Variants in FAM107A observed in about 807,000 individuals in gnomAD.
FAM107A encodes the protein family with sequence similarity 107 member A.
Under a neutral mutation model 13.7 loss-of-function variants are expected in FAM107A, and 19 were observed. The observed-to-expected ratio is 1.38, with a 90% confidence interval of 0.97 to 2.03. FAM107A has a LOEUF of 2.03. Ranked by LOEUF, FAM107A falls within the 30% of genes most tolerant of loss-of-function variation. FAM107A has a pLI of 0.00. For missense variants in FAM107A, 203 were observed against 184.4 expected, an observed-to-expected ratio of 1.10 and a Z score of -0.58; for synonymous variants, 82 against 74.5, an observed-to-expected ratio of 1.10 and a Z score of -0.52.
At chr3:58,577,696 T>G, upstream of FAM107A, 1 of 985,264 alleles carries the variant, frequency 1.0e-6, no homozygotes, top group Non-Finnish European at 1.2e-6. This position sits in a 1 kb window ranked among gnomAD's most constrained non-coding sequence, Gnocchi z 4.9. Context: ...TTGTTTCTTA[T>G]GGGAGGGTCA....
chr3:58,567,639 C>G (rs2063636280), intron 2 of FAM107A, among the ~76,000 whole-genome samples: 1 of 152,164 alleles, frequency 6.6e-6, no homozygotes. Context: ...TATGTTATTT[C>G]TGGTTATTTT....
chr3:58,589,443 G>C (rs2065637513), upstream of FAM107A, among the ~76,000 whole-genome samples: 1 of 152,130 alleles, frequency 6.6e-6, no homozygotes, highest in African/African-American at 2.4e-5. Flanking sequence ...GTGTGTGTGT[G>C]TGTGTATGTG....
intron 3 of FAM107A, 124 bp downstream of exon 3, chr3:58,567,084 A>G (rs904368564): frequency 8.2e-7 from 1 of 1,221,660 alleles, no homozygotes; most frequent in Non-Finnish European, 1.2e-6. Flanking sequence ...CCAGGAGTGG[A>G]CTCTTAGTCC....
upstream of FAM107A, chr3:58,577,800 G>A (rs1264948744): frequency 1.1e-6 from 1 of 891,206 alleles, no homozygotes; most frequent in Non-Finnish European, 1.3e-6. The surrounding 1 kb of genome is among the most constrained non-coding windows in gnomAD (Gnocchi z 4.9). Context: ...GGCTCTGGGG[G>A]GAAAAGGGTG....
At chr3:58,576,031 TAA>T (rs752269529) in intron 1 of FAM107A, among the ~76,000 whole-genome samples, 33 of 152,280 alleles carry the variant, frequency 2.2e-4, no homozygotes, top group Non-Finnish European at 3.7e-4. Context: ...AGGCATTCAG[TAA>T]AAGTGACAAG....
rs1036910418 is a variant in FAM107A, at chr3:58,617,982, C to T, written c.-70+9434G>A. Among the ~76,000 whole-genome samples, 5 of 152,172 alleles carry T rather than the reference C, an allele frequency of 3.3e-5. No individual in the cohort carries two copies. The highest frequency in any genetic ancestry group is 6.5e-5 in the Admixed American group (1 of 15,286). On this transcript the variant is annotated intron_variant, in intron 1 of 3. Transcript: ENST00000465970. This position sits in a 1 kb window ranked among gnomAD's most constrained non-coding sequence, Gnocchi z 4.5. ...ACTTGTTGGCTCTGTGATCTTGAGA[C>T]GTGAACTCAACCTCTTTGAGTCGAG... is the stretch of plus-strand genomic sequence containing the variant.
At chr3:58,608,203 A>G (rs1194408141) in intron 1 of FAM107A, among the ~76,000 whole-genome samples, 1 of 152,156 alleles carries the variant, frequency 6.6e-6, no homozygotes, top group African/African-American at 2.4e-5. Flanking sequence ...AATAGAAAGC[A>G]CCTAACATGG....
chr3:58,567,045 C>G, intron 3 of FAM107A, 163 bp downstream of exon 3: 1 of 857,438 alleles, frequency 1.2e-6, no homozygotes, highest in African/African-American at 1.7e-5. Context: ...AAGGACCTAG[C>G]AAAGTGAATG....
chr3:58,578,291 G>T (rs1180495567), upstream of FAM107A, among the ~76,000 whole-genome samples: 1 of 152,212 alleles, frequency 6.6e-6, no homozygotes, highest in Admixed American at 6.5e-5. Flanking sequence ...AAGTAGGCCA[G>T]GCATGGTAGC....
chr3:58,609,070 C>G (rs2065828066), intron 1 of FAM107A: 1 of 152,012 alleles, frequency 6.6e-6, no homozygotes, highest in Non-Finnish European at 1.5e-5. Flanking sequence ...TTTTCAGGGC[C>G]TGGTCATGGG....
rs190826782 is a variant in FAM107A, at chr3:58,604,947, T to C, written c.-69-15678A>G. ...TTTTTCTGATGAGTGTTAGGTTTTG[T>C]TTTAGCAGGCAGTACAATTATTAGG... On this transcript the variant is annotated intron_variant, in intron 1 of 3. Transcript: ENST00000465970. This position sits in a 1 kb window ranked among gnomAD's most constrained non-coding sequence, Gnocchi z 4.1. 6.6e-6 allele frequency among the ~76,000 whole-genome samples: 1 copy of C among 152,346 alleles called. No homozygotes were observed. The highest frequency in any genetic ancestry group is 1.9e-4 in the East Asian group (1 of 5,194).
At chr3:58,616,581 C>T (rs534840420) in intron 1 of FAM107A, among the ~76,000 whole-genome samples, 96 of 145,362 alleles carry the variant, frequency 6.6e-4, no homozygotes, top group Middle Eastern at 7.5e-3. Flanking sequence ...CCACTACCAC[C>T]ACCACCACCA....
rs1577016582 is a variant in FAM107A, at chr3:58,566,571, G to A, written c.*17C>T. 3.1e-6 allele frequency: 5 copies of A among 1,596,814 alleles called. No individual in the cohort carries two copies. The highest frequency in any genetic ancestry group is 4.3e-6 in the Non-Finnish European group (5 of 1,165,310). ...TCCAGGCCAGGGTGGGCAGTGGCCT[G>A]AGCCCGGCAGCTGGCCCTACAGCTC... On this transcript the variant is annotated 3_prime_UTR_variant, in exon 4 of 4. Coordinates refer to ENST00000360997, the MANE Select transcript of FAM107A (RefSeq NM_001076778.3).
rs922336223 is a variant in FAM107A at position 58,577,166 on chromosome 3, C to T, written c.-6+143G>A. ...CCGTATCATTTTATGGATGCTGGGA[C>T]ATAGCCCGGGTACCTAAACTCAAAG... On this transcript the variant is annotated intron_variant, in intron 1 of 3. Coordinates refer to ENST00000360997, the MANE Select transcript of FAM107A (RefSeq NM_001076778.3). This position sits in a 1 kb window ranked among gnomAD's most constrained non-coding sequence, Gnocchi z 4.9. 3.0e-5 allele frequency: 6 copies of T among 201,002 alleles called. No homozygotes were observed. Among genetic ancestry groups the T allele is most frequent in the Admixed American group, 6.5e-5 (1 of 15,370 alleles). 12.5% of individuals were successfully genotyped at this position (201,002 alleles called of 1,614,324 possible). A position where few individuals can be genotyped will look rare whatever the true frequency, so the allele number is the denominator to read the frequency against.
chr3:58,583,425 C>G (rs779837447), intron 1 of FAM107A, among the ~76,000 whole-genome samples: 4 of 152,090 alleles, frequency 2.6e-5, no homozygotes, highest in Non-Finnish European at 5.9e-5. Context: ...GAGTTCGAGA[C>G]CAGCCTGACC....
intron 1 of FAM107A, among the ~76,000 whole-genome samples, chr3:58,602,487 A>C (rs2065761183): frequency 6.6e-6 from 1 of 152,162 alleles, no homozygotes; most frequent in Non-Finnish European, 1.5e-5. Context: ...CATTTCACAA[A>C]GATATATGGT....
At chr3:58,599,696 ATTTTTTTTTTTT>A (rs57244654) in intron 1 of FAM107A, among the ~76,000 whole-genome samples, 51 of 78,562 alleles carry the variant, frequency 6.5e-4, no homozygotes, top group East Asian at 8.2e-4. Context: ...CAAGTGCACC[ATTTTTTTTTTTT>A]TTTTTTTTTT....
chr3:58,576,562 TG>T (rs1463710566), intron 1 of FAM107A, among the ~76,000 whole-genome samples: 1 of 152,160 alleles, frequency 6.6e-6, no homozygotes, highest in Non-Finnish European at 1.5e-5. Flanking sequence ...GATGCAGGCG[TG>T]GGGGCTGCCT....
chr3:58,617,050 G>A lies in FAM107A; in HGVS notation c.-70+10366C>T, dbSNP rs556649569. Among the ~76,000 whole-genome samples, 6 of 152,292 alleles carry A rather than the reference G, an allele frequency of 3.9e-5. No homozygotes were observed. Among genetic ancestry groups the A allele is most frequent in the African/African-American group, 1.2e-4 (5 of 41,572 alleles). ...GCCTCCCAAAGTGCTGGGATTACAG[G>A]CGTGAGCCACCGCGCCTGGCCTCGG... On this transcript the variant is annotated intron_variant, in intron 1 of 3. Coordinates refer to the FAM107A transcript ENST00000465970. The surrounding 1 kb of genome is among the most constrained non-coding windows in gnomAD (Gnocchi z 4.5).
Sources: gnomAD v4.1 joint callset for allele counts (sites outside exome capture counted in the v4.1 genomes callset) on GRCh38, gnomAD v4.1.1 for gene constraint, Gnocchi (gnomAD v3.1) non-coding constraint, MANE v1.5 for transcripts, NCBI Gene and HGNC (gene_info 2026-07-23, HGNC 2026-07-21) for gene names.